The following FBXO4 variants were observed in gnomAD, a reference collection of about 807,000 sequenced individuals.
FBXO4 encodes F-box protein 4.
A neutral mutation model predicts 43.7 loss-of-function variants in FBXO4; 36 were observed. The ratio of observed to expected loss-of-function variants is 0.82; its 90% CI spans 0.63 to 1.09. The LOEUF (loss-of-function observed/expected upper bound fraction) is 1.09, where lower values mean the gene tolerates loss of function less well. Among genes scored for constraint, FBXO4 ranks in the 50% least tolerant of loss-of-function variants. FBXO4 has a pLI of 0.00. For missense variants in FBXO4, 435 were observed against 474.1 expected (o/e 0.92, Z 0.77); for synonymous variants, 180 against 165.6 (o/e 1.09, Z -0.67).
At chr5:41,963,464 C>G in the FBXO4 span, among the ~76,000 whole-genome samples, 4 of 152,070 alleles carry the variant, frequency 2.6e-5, no homozygotes, top group Admixed American at 6.6e-5. Context: ...TAGGGCTGAT[C>G]CCCCACATTG....
At chr5:42,017,566 C>T in the FBXO4 span, among the ~76,000 whole-genome samples, 1 of 150,704 alleles carries the variant, frequency 6.6e-6, no homozygotes, top group Non-Finnish European at 1.5e-5. Flanking sequence ...TAATATCCAA[C>T]ACTTTTTCAA....
the FBXO4 span, among the ~76,000 whole-genome samples, chr5:41,981,344 C>T: frequency 6.6e-6 from 1 of 151,390 alleles, no homozygotes; most frequent in Non-Finnish European, 1.5e-5. Context: ...TGAAGTATTG[C>T]CTGAAAACTT....
the FBXO4 span, among the ~76,000 whole-genome samples, chr5:42,011,766 A>C: frequency 6.6e-6 from 1 of 152,184 alleles, no homozygotes; most frequent in Admixed American, 6.5e-5. Flanking sequence ...TGTGTGCAGT[A>C]AGAGAAAGTT....
the FBXO4 span, among the ~76,000 whole-genome samples, chr5:41,995,129 G>A: frequency 2.0e-5 from 3 of 152,320 alleles, no homozygotes; most frequent in Admixed American, 1.3e-4. Context: ...GGTAAGACCA[G>A]TGAATTCCAT....
At chr5:42,000,193 A>G in the FBXO4 span, among the ~76,000 whole-genome samples, 2 of 152,200 alleles carry the variant, frequency 1.3e-5, no homozygotes, top group African/African-American at 2.4e-5. Flanking sequence ...TTAAATAATA[A>G]TAGTTTACAC....
At chr5:41,961,256 G>A in the FBXO4 span, among the ~76,000 whole-genome samples, 3 of 151,974 alleles carry the variant, frequency 2.0e-5, no homozygotes, top group Non-Finnish European at 4.4e-5. Context: ...TCATTGCAGT[G>A]TTTGATGGTG....
chr5:42,037,434 T>G, the FBXO4 span, among the ~76,000 whole-genome samples: 4 of 152,100 alleles, frequency 2.6e-5, no homozygotes, highest in Middle Eastern at 3.4e-3. Context: ...TCCCTACAAA[T>G]TTTATAAAGT....
At chr5:42,005,849 G>A in the FBXO4 span, among the ~76,000 whole-genome samples, 1 of 151,900 alleles carries the variant, frequency 6.6e-6, no homozygotes, top group Admixed American at 6.6e-5. Context: ...TATCACCCAA[G>A]CAAACTTTTT....
the FBXO4 span, among the ~76,000 whole-genome samples, chr5:41,969,597 A>G: frequency 6.6e-6 from 1 of 152,162 alleles, no homozygotes; most frequent in Non-Finnish European, 1.5e-5. Context: ...CATGCATGCT[A>G]CTATAAGTGA....
At chr5:41,952,990 AT>A in the FBXO4 span, among the ~76,000 whole-genome samples, 1 of 148,698 alleles carries the variant, frequency 6.7e-6, no homozygotes, top group Admixed American at 6.7e-5. Flanking sequence ...TTCATTGATT[AT>A]TTTTTCTTTT....
the FBXO4 span, chr5:41,967,482 T>C: frequency 1.5e-6 from 1 of 649,936 alleles, no homozygotes; most frequent in African/African-American, 1.8e-5. Flanking sequence ...AACTGCTCTT[T>C]GGGGGTATAT....
the FBXO4 span, chr5:41,951,599 AG>A: frequency 4.4e-6 from 1 of 226,324 alleles, no homozygotes; most frequent in Non-Finnish European, 8.6e-6. Context: ...GTAGAAGTAG[AG>A]ATAAGTCATA....
the FBXO4 span, among the ~76,000 whole-genome samples, chr5:42,009,154 G>T: frequency 1.3e-5 from 2 of 152,104 alleles, no homozygotes; most frequent in East Asian, 1.9e-4. Flanking sequence ...ATCATTTAAT[G>T]AAGACTGCAG....
chr5:41,962,915 C>G, the FBXO4 span, among the ~76,000 whole-genome samples: 1 of 152,180 alleles, frequency 6.6e-6, no homozygotes, highest in Non-Finnish European at 1.5e-5. Context: ...CCCTTTTCCA[C>G]TGATTCACCA....
the FBXO4 span, among the ~76,000 whole-genome samples, chr5:42,004,346 CA>C: frequency 6.6e-6 from 1 of 151,872 alleles, no homozygotes; most frequent in African/African-American, 2.4e-5. Context: ...AACAAAAGAT[CA>C]AAATAATATG....
At chr5:41,987,031 C>T in the FBXO4 span, among the ~76,000 whole-genome samples, 10 of 152,080 alleles carry the variant, frequency 6.6e-5, no homozygotes, top group Admixed American at 2.0e-4. Flanking sequence ...CAAGTAAATG[C>T]TACATTCTGA....
At chr5:41,939,178 C>T (rs930403782) in intron 5 of FBXO4, 1 of 292,744 alleles carries the variant, frequency 3.4e-6, no homozygotes, top group Admixed American at 4.6e-5. Flanking sequence ...AAGCTAAACT[C>T]TACTATATGC....
the FBXO4 span, among the ~76,000 whole-genome samples, chr5:42,025,092 G>T: frequency 6.6e-6 from 1 of 150,708 alleles, no homozygotes; most frequent in Non-Finnish European, 1.5e-5. Flanking sequence ...GGATCATATG[G>T]TAGCTCTATT....
chr5:41,954,136 A>G, the FBXO4 span, among the ~76,000 whole-genome samples: 1 of 152,160 alleles, frequency 6.6e-6, no homozygotes, highest in African/African-American at 2.4e-5. Flanking sequence ...AAGTCAAATA[A>G]TTTTCAGTTC....
Sources: gnomAD v4.1 joint callset for allele counts (sites outside exome capture counted in the v4.1 genomes callset) on GRCh38, gnomAD v4.1.1 for gene constraint, MANE v1.5 for transcripts, NCBI Gene and HGNC (gene_info 2026-07-23, HGNC 2026-07-21) for gene names.